Variants in DPYD observed in about 807,000 individuals in gnomAD.
DPYD encodes the protein dihydropyrimidine dehydrogenase, also known as dihydropyrimidine dehydrogenase [NADP(+)].
Under a neutral mutation model 116.2 loss-of-function variants are expected in DPYD, and 109 were observed. The observed-to-expected ratio is 0.94, with a 90% CI of 0.80 to 1.10. DPYD has a LOEUF of 1.10. Among genes scored for constraint, DPYD ranks in the 50% least tolerant of loss-of-function variants. The pLI, the probability that DPYD is intolerant of heterozygous loss-of-function variation, is 0.00. For missense variants in DPYD, 1,302 were observed against 1,254.5 expected (o/e 1.04, Z -0.57); for synonymous variants, 440 against 432.0 (o/e 1.02, Z -0.23).
Position 97,904,641 on chromosome 1 carries a change from T to C in DPYD, c.39+16243A>G, listed in dbSNP as rs1213951560. Among the ~76,000 whole-genome samples the C allele has an allele frequency of 2.0e-5, 3 of 152,052 alleles. 1 individual carries two copies. Among genetic ancestry groups the C allele is most frequent in the African/African-American group, 7.2e-5 (3 of 41,434 alleles). ...GCCATGCATTTGCCTTCTCCTCAAG[T>C]TGCCATCCTTTGTCTTTTCAGTTCT... On this transcript the variant is annotated intron_variant, in intron 1 of 22. Transcript: ENST00000370192.
chr1:97,608,156 T>C (rs1218286960), intron 8 of DPYD, among the ~76,000 whole-genome samples: 1 of 151,848 alleles, frequency 6.6e-6, no homozygotes, highest in Admixed American at 6.6e-5. Flanking sequence ...ATCCCAGGAA[T>C]CAGTACAATG....
chr1:97,379,224 C>A (rs1671801327), intron 15 of DPYD, among the ~76,000 whole-genome samples: 2 of 152,054 alleles, frequency 1.3e-5, no homozygotes, highest in Admixed American at 1.3e-4. Context: ...GCAGCGGGAT[C>A]TGGAATGCAG....
chr1:97,858,322 C>A (rs1009015138), intron 2 of DPYD, among the ~76,000 whole-genome samples: 1 of 151,776 alleles, frequency 6.6e-6, no homozygotes, highest in African/African-American at 2.4e-5. Flanking sequence ...TTTGTTAAGT[C>A]TGCTAAAATA....
intron 20 of DPYD, among the ~76,000 whole-genome samples, chr1:97,192,636 A>T (rs895938514): frequency 5.3e-5 from 8 of 152,228 alleles, no homozygotes; most frequent in African/African-American, 1.9e-4. Context: ...CAGCAGAAGC[A>T]GTTACAAAAG....
intron 22 of DPYD, among the ~76,000 whole-genome samples, chr1:97,080,775 T>C (rs1011077683): frequency 1.3e-5 from 2 of 152,180 alleles, no homozygotes; most frequent in East Asian, 3.9e-4. Context: ...ATTAAAAATT[T>C]TGGCTTTCTA....
At chr1:97,878,472 A>C (rs1353212629) in intron 2 of DPYD, among the ~76,000 whole-genome samples, 1 of 152,030 alleles carries the variant, frequency 6.6e-6, no homozygotes, top group African/African-American at 2.4e-5. Flanking sequence ...TTTTGCAGTG[A>C]TCCACAGGCA....
rs186355644 is a variant in DPYD, at chr1:97,207,187, C to T, written c.2443-13939G>A. ...ATCAGTCAGTGACAAACACAATTCC[C>T]TTTCATTCCCTGTCCAGAATACATT... On this transcript the variant is annotated intron_variant, in intron 19 of 22. Coordinates refer to ENST00000370192, the MANE Select transcript of DPYD (RefSeq NM_000110.4). Among the ~76,000 whole-genome samples the T allele has an allele frequency of 9.9e-5, 15 of 152,194 alleles. 1 individual carries two copies. In the East Asian group the frequency reaches 1.6e-3, roughly 16 times the overall value.
chr1:97,234,913 C>T lies in DPYD; in HGVS notation c.2381G>A (p.Gly794Asp). 6.2e-7 allele frequency: 1 copy of T among 1,614,008 alleles called. No individual in the cohort carries two copies. The highest frequency in any genetic ancestry group is 8.5e-7 in the Non-Finnish European group (1 of 1,179,974). The change falls in exon 19 of 23, where the codon GGT (glycine) becomes GAT (aspartate). Residue 794 changes from glycine to aspartate, a missense_variant. Gly to Asp is a moderately conservative substitution (Grantham distance 94). Transcript: ENST00000370192. ...ALPGFPILAT[G>D]GIDSAESGLQ... is the part of the protein sequence containing the mutation. ...ACCACTTTCAGCAGAGTCAATTCCA[C>T]CAGTAGCCAAAATGGGAAATCCAGG...
chr1:97,508,711 G>C (rs1317646900), intron 13 of DPYD, among the ~76,000 whole-genome samples: 1 of 151,866 alleles, frequency 6.6e-6, no homozygotes, highest in Admixed American at 6.6e-5. Context: ...GCATGATATA[G>C]TGGAAATTGC....
intron 12 of DPYD, among the ~76,000 whole-genome samples, chr1:97,539,783 T>C (rs1050631009): frequency 6.6e-6 from 1 of 152,182 alleles, no homozygotes; most frequent in African/African-American, 2.4e-5. Flanking sequence ...GAAGGGACAA[T>C]GAGCTTCTGA....
At chr1:97,306,864 C>A (rs1413300866) in intron 16 of DPYD, among the ~76,000 whole-genome samples, 3 of 151,894 alleles carry the variant, frequency 2.0e-5, no homozygotes, top group African/African-American at 7.2e-5. Context: ...ATGAGCTGAT[C>A]AGTAACTTTA....
intron 3 of DPYD, among the ~76,000 whole-genome samples, chr1:97,742,488 T>C (rs1461542302): frequency 6.6e-6 from 1 of 152,176 alleles, no homozygotes; most frequent in Non-Finnish European, 1.5e-5. Context: ...TTCCCTATCA[T>C]TTCTCTAAAT....
intron 20 of DPYD, among the ~76,000 whole-genome samples, chr1:97,116,816 T>C (rs1396359919): frequency 1.3e-5 from 2 of 152,046 alleles, no homozygotes; most frequent in African/African-American, 4.8e-5. Context: ...TATATACAGA[T>C]AAATTTGAGT....
chr1:97,231,854 T>C (rs1661608654), intron 19 of DPYD, among the ~76,000 whole-genome samples: 2 of 152,172 alleles, frequency 1.3e-5, no homozygotes, highest in South Asian at 4.1e-4. Flanking sequence ...CATGGTCACA[T>C]CTGACAATGA....
At chr1:97,460,540 G>C (rs938309751) in intron 13 of DPYD, among the ~76,000 whole-genome samples, 10 of 152,150 alleles carry the variant, frequency 6.6e-5, no homozygotes, top group African/African-American at 2.4e-4. Flanking sequence ...TGAGTACTTT[G>C]AACTAAAGGA....
chr1:97,803,912 A>G (rs1356159523), intron 3 of DPYD, among the ~76,000 whole-genome samples: 1 of 151,870 alleles, frequency 6.6e-6, no homozygotes, highest in African/African-American at 2.4e-5. Context: ...ACTCCACCTC[A>G]TATGTACCTG....
chr1:97,425,707 C>T (rs547310068), intron 14 of DPYD, among the ~76,000 whole-genome samples: 16 of 152,100 alleles, frequency 1.1e-4, no homozygotes, highest in Non-Finnish European at 1.9e-4. Flanking sequence ...TTTGTCCAAT[C>T]ATGCTATGGC....
At chr1:97,230,708 G>A (rs988830386) in intron 19 of DPYD, among the ~76,000 whole-genome samples, 2 of 152,146 alleles carry the variant, frequency 1.3e-5, no homozygotes, top group Non-Finnish European at 2.9e-5. Flanking sequence ...GAGCTAAAAG[G>A]CTGCAATGTG....
At chr1:97,373,512 C>A in intron 16 of DPYD, 49 bp downstream of exon 16, 1 of 1,518,378 alleles carries the variant, frequency 6.6e-7, no homozygotes, top group South Asian at 1.1e-5. Flanking sequence ...CATACGGGGG[C>A]CTGTTATGTC....
Sources: gnomAD v4.1 joint callset for allele counts (sites outside exome capture counted in the v4.1 genomes callset) on GRCh38, gnomAD v4.1.1 for gene constraint, MANE v1.5 for transcripts, NCBI Gene and HGNC (gene_info 2026-07-23, HGNC 2026-07-21) for gene names.